The following MOK variants were observed in gnomAD, a reference collection of about 807,000 sequenced individuals.
The protein encoded by MOK is MAPK/MAK/MRK overlapping kinase.
MOK carries 59 observed loss-of-function variants against 54.2 expected under a neutral mutation model. The observed-to-expected ratio is 1.09, with a 90% CI of 0.88 to 1.35. MOK has a LOEUF of 1.35. Among genes scored for constraint, MOK ranks in the 40% most tolerant of loss-of-function variants. The pLI is 0.00. For missense variants in MOK, 517 were observed against 526.2 expected (o/e 0.98, Z 0.17); for synonymous variants, 210 against 202.7 (o/e 1.04, Z -0.31).
intron 2 of MOK, among the ~76,000 whole-genome samples, chr14:102,268,416 T>A (rs911041549): frequency 6.6e-6 from 1 of 152,186 alleles, no homozygotes; most frequent in African/African-American, 2.4e-5. Flanking sequence ...CTACTTTTCT[T>A]TGCCTTGGAG....
At chr14:102,255,389 A>G (rs557059206) in intron 4 of MOK, among the ~76,000 whole-genome samples, 1 of 152,306 alleles carries the variant, frequency 6.6e-6, no homozygotes, top group African/African-American at 2.4e-5. Flanking sequence ...TGGAGCCACA[A>G]ACGGGCATGC....
At chr14:102,292,073 G>A (rs1162383235) in intron 1 of MOK, among the ~76,000 whole-genome samples, 3 of 152,056 alleles carry the variant, frequency 2.0e-5, no homozygotes, top group South Asian at 2.1e-4. Flanking sequence ...CCCTAGTCTT[G>A]AGAATTTACA....
intron 4 of MOK, among the ~76,000 whole-genome samples, chr14:102,254,041 T>C (rs1187714957): frequency 3.3e-5 from 5 of 151,992 alleles, no homozygotes; most frequent in African/African-American, 1.2e-4. Flanking sequence ...CTGGAATGCA[T>C]TGGTACGATC....
chr14:102,247,082 C>T (rs1043808302), intron 7 of MOK, among the ~76,000 whole-genome samples: 5 of 152,164 alleles, frequency 3.3e-5, no homozygotes, highest in Non-Finnish European at 7.3e-5. Flanking sequence ...ACCATCCCTG[C>T]ACCCGCCACC....
At chr14:102,237,375 AG>A (rs1268619189) in intron 7 of MOK, among the ~76,000 whole-genome samples, 5 of 152,174 alleles carry the variant, frequency 3.3e-5, no homozygotes, top group Admixed American at 1.3e-4. Flanking sequence ...TAACTTACCT[AG>A]GAGTTCAACT....
intron 2 of MOK, among the ~76,000 whole-genome samples, chr14:102,266,777 T>A (rs957101311): frequency 6.6e-6 from 1 of 152,078 alleles, no homozygotes; most frequent in Non-Finnish European, 1.5e-5. Context: ...GAGATGGAGT[T>A]CACCATGTTG....
At chr14:102,289,460 T>C (rs547543206) in intron 1 of MOK, among the ~76,000 whole-genome samples, 2 of 152,152 alleles carry the variant, frequency 1.3e-5, no homozygotes, top group East Asian at 3.9e-4. Context: ...AATTCCCTCC[T>C]GCTCTCGGGT....
At chr14:102,226,828 C>T (rs543155528), downstream of MOK, among the ~76,000 whole-genome samples, 28 of 152,194 alleles carry the variant, frequency 1.8e-4, no homozygotes, top group Non-Finnish European at 3.2e-4. The surrounding 1 kb of genome is among the most constrained non-coding windows in gnomAD (Gnocchi z 4.8). Flanking sequence ...CAAACCCCGC[C>T]GCTCCTCCAT....
downstream of MOK, chr14:102,224,359 C>T (rs960002019): frequency 5.8e-6 from 2 of 345,580 alleles, no homozygotes; most frequent in South Asian, 2.3e-5. Flanking sequence ...ATTTTTCTTA[C>T]TTGGTTGAAA....
At chr14:102,266,409 A>T (rs2067910468) in intron 2 of MOK, among the ~76,000 whole-genome samples, 2 of 150,942 alleles carry the variant, frequency 1.3e-5, no homozygotes, top group Non-Finnish European at 2.9e-5. Context: ...GGCTCAGGTG[A>T]TCCTCCCACC....
At chr14:102,288,197 A>G (rs1295078488) in intron 1 of MOK, among the ~76,000 whole-genome samples, 1 of 152,208 alleles carries the variant, frequency 6.6e-6, no homozygotes, top group Non-Finnish European at 1.5e-5. Flanking sequence ...TGCCTAAGAG[A>G]AACAAAAACG....
intron 1 of MOK, among the ~76,000 whole-genome samples, chr14:102,292,390 G>A (rs145707497): frequency 0.061 from 9,178 of 151,514 alleles, 311 homozygotes; most frequent in South Asian, 0.12. Context: ...GGAGAATGGC[G>A]TGAACCCAGG....
At chr14:102,216,739 A>G in the MOK span, among the ~76,000 whole-genome samples, 9 of 152,166 alleles carry the variant, frequency 5.9e-5, no homozygotes, top group Non-Finnish European at 1.3e-4. Flanking sequence ...AGACCAGCCC[A>G]GCCATCATGG....
At chr14:102,226,064 C>G (rs905347122), downstream of MOK, 29 of 522,768 alleles carry the variant, frequency 5.5e-5, no homozygotes, top group Admixed American at 6.9e-4. The surrounding 1 kb of genome is among the most constrained non-coding windows in gnomAD (Gnocchi z 4.8). Flanking sequence ...GGTGTGGGGA[C>G]AGCAGAGCAG....
chr14:102,304,751 C>G (rs1376926008), intron 1 of MOK, among the ~76,000 whole-genome samples: 2 of 152,216 alleles, frequency 1.3e-5, no homozygotes, highest in Non-Finnish European at 2.9e-5. Context: ...CAACCTAGCC[C>G]CAACCCCTCA....
chr14:102,233,904 T>C (rs2153086567), intron 7 of MOK, 115 bp from the exon 8 acceptor site: 1 of 706,154 alleles, frequency 1.4e-6, no homozygotes, highest in Non-Finnish European at 2.5e-6. Flanking sequence ...AAACAAACTT[T>C]ACCTACACCC....
chr14:102,215,071 A>T, the MOK span: 3 of 854,820 alleles, frequency 3.5e-6, no homozygotes, highest in African/African-American at 5.5e-5. Flanking sequence ...CCAAAACCAG[A>T]AAAGTTTTTA....
rs1308991464 is a variant in MOK, at chr14:102,235,621, G to A, written c.591-1832C>T. 6.6e-6 allele frequency: 1 copy of A among 152,132 alleles called. No homozygotes were observed. The highest frequency in any genetic ancestry group is 1.5e-5 in the Non-Finnish European group (1 of 68,044). The allele number at this position is 152,132 out of a possible 1,614,324, so 9.4% of individuals were successfully genotyped here. A position where few individuals can be genotyped will look rare whatever the true frequency, so the allele number is the denominator to read the frequency against. The stretch of plus-strand genomic sequence containing the variant: ...AACTGCCCATAAGGCTGTAAATTTC[G>A]AAAAACTCAAAGGAATCTCCCAAAA... On this transcript the variant is annotated intron_variant, in intron 7 of 11. Transcript: ENST00000361847. This position sits in a 1 kb window ranked among gnomAD's most constrained non-coding sequence, Gnocchi z 4.4.
rs765727739 is a variant in MOK at position 102,250,859 on chromosome 14, G to T, written c.543C>A (p.Tyr181Ter). 48 of 1,613,958 alleles carry T rather than the reference G, an allele frequency of 3.0e-5. 2 individuals are homozygous for T. In the South Asian group the frequency reaches 5.2e-4, roughly 17 times the overall value. ...AGCCGGCGCTCCACAGGTCCATCTT[G>T]TACGTGTAGAACCCATCAGTGAGGA... ...ECLLTDGFYT[Y>*]KMDLWSAGCV... The change falls in exon 7 of 12, where the codon TAC becomes TAA. Residue 181 changes from tyrosine (Y) to a stop codon, truncating the protein, a stop_gained. Transcript: ENST00000361847. LOFTEE classifies it high-confidence loss of function.
Sources: allele counts gnomAD v4.1 joint callset (sites outside exome capture counted in the v4.1 genomes callset), GRCh38; gene constraint gnomAD v4.1.1; non-coding constraint Gnocchi (gnomAD v3.1); transcripts MANE v1.5; gene names NCBI Gene and HGNC (gene_info 2026-07-23, HGNC 2026-07-21).